The following EXO1 variants were observed in gnomAD, a reference collection of about 807,000 sequenced individuals.
EXO1 encodes exonuclease 1.
A neutral mutation model predicts 84.5 loss-of-function variants in EXO1; 69 were observed. The ratio of observed to expected loss-of-function variants is 0.82; its 90% CI spans 0.67 to 1.00. EXO1 has a LOEUF of 1.00. Among genes scored for constraint, EXO1 ranks in the 50% least tolerant of loss-of-function variants. EXO1 has a pLI of 0.00. For synonymous variants in EXO1, 373 were observed against 366.1 expected (o/e 1.02, Z -0.21); for missense variants, 1,045 against 1,000.7 (o/e 1.04, Z -0.60).
At chr1:241,878,470 C>G (rs1314682843) in intron 12 of EXO1, among the ~76,000 whole-genome samples, 1 of 142,742 alleles carries the variant, frequency 7.0e-6, no homozygotes, top group Non-Finnish European at 1.5e-5. Context: ...GCACTCCAGC[C>G]TGGTGACAGA....
chr1:241,870,895 C>G (rs887134889), intron 11 of EXO1, among the ~76,000 whole-genome samples: 1 of 152,156 alleles, frequency 6.6e-6, no homozygotes, highest in Non-Finnish European at 1.5e-5. Context: ...TTCCTTTTGA[C>G]TAACAGTTGC....
rs561796757 is a variant in EXO1, at chr1:241,850,757, T to C, written c.161+171T>C. ...CAGGGATGACTTCCTTCTGTGATAATAGGCCTAGTTTTCTTTCTTTATAAT... is the reference window on the plus strand; with the variant it reads ...CAGGGATGACTTCCTTCTGTGATAACAGGCCTAGTTTTCTTTCTTTATAAT... On this transcript the variant is annotated intron_variant, in intron 4 of 15. Transcript: ENST00000366548. Among the ~76,000 whole-genome samples the C allele has an allele frequency of 1.4e-4, 22 of 151,998 alleles. No individual in the cohort carries two copies. In the South Asian group the frequency reaches 3.5e-3, roughly 24 times the overall value.
chr1:241,861,557 T>C, intron 10 of EXO1, 55 bp downstream of exon 10: 1 of 934,784 alleles, frequency 1.1e-6, no homozygotes, highest in Non-Finnish European at 1.8e-6. Flanking sequence ...TCCCGAGCTG[T>C]GATTAAAGGC....
intron 10 of EXO1, among the ~76,000 whole-genome samples, chr1:241,862,095 C>G (rs377673384): frequency 2.6e-5 from 4 of 152,108 alleles, no homozygotes; most frequent in Non-Finnish European, 4.4e-5. Context: ...TGCACCACCA[C>G]GCCCGGCTAA....
Position 241,879,211 on chromosome 1 carries a change from C to A in EXO1, c.1977C>A (p.Ser659=). 1.2e-6 allele frequency: 2 copies of A among 1,601,892 alleles called. No individual in the cohort carries two copies. Among genetic ancestry groups the A allele is most frequent in the Non-Finnish European group, 1.7e-6 (2 of 1,171,572 alleles). ...TGTCGCAGTTAAAGAGCGAGGAGTC[C>A]AGTGACGATGAGTCTCATCCCTTAC... ...SDVSQLKSEE[S]SDDESHPLRE... is the part of the protein sequence containing the mutation. The change falls in exon 13 of 16, where the codon TCC becomes TCA. Residue 659 remains serine (S), a synonymous_variant. Coordinates refer to ENST00000366548, the MANE Select transcript of EXO1 (RefSeq NM_130398.4).
Position 241,879,262 on chromosome 1 carries a change from C to T in EXO1, c.2028C>T (p.Ser676=). 6.2e-7 allele frequency: 1 copy of T among 1,601,242 alleles called. No homozygotes were observed. Among genetic ancestry groups the T allele is most frequent in the Non-Finnish European group, 8.5e-7 (1 of 1,175,836 alleles). ...GAGAAGAGGCATGTTCTTCACAGTC[C>T]CAGGAAAGTGGAGAATTCTCACTGC... ...PLREEACSSQ[S]QESGEFSLQS... The change falls in exon 13 of 16, where the codon TCC becomes TCT. Residue 676 remains serine, a synonymous_variant. Coordinates refer to ENST00000366548, the MANE Select transcript of EXO1 (RefSeq NM_130398.4).
chr1:241,872,539 G>A (rs980746811), intron 12 of EXO1, among the ~76,000 whole-genome samples: 2 of 152,032 alleles, frequency 1.3e-5, no homozygotes, highest in African/African-American at 4.8e-5. Context: ...GGTGTGTGAT[G>A]TTCCCCTCCT....
intron 13 of EXO1, among the ~76,000 whole-genome samples, chr1:241,879,821 A>G (rs552264874): frequency 4.3e-4 from 65 of 152,246 alleles, no homozygotes; most frequent in African/African-American, 1.5e-3. Context: ...CCTGGCCAGC[A>G]TGGTGAAACC....
chr1:241,870,740 G>A lies in EXO1; in HGVS notation c.1268-1292G>A, dbSNP rs371615467. Among the ~76,000 whole-genome samples, 516 of 151,968 alleles carry A rather than the reference G, an allele frequency of 3.4e-3. 3 individuals carry two copies. Among genetic ancestry groups the A allele is most frequent in the African/African-American group, 7.6e-3 (316 of 41,468 alleles). ...GTTCTGCCTGTTAATTTTTTTGTTC[G>A]AATCTTTGTATTTTCTAATAAATGC... On this transcript the variant is annotated intron_variant, in intron 11 of 15. Coordinates refer to ENST00000366548, the MANE Select transcript of EXO1 (RefSeq NM_130398.4).
At chr1:241,850,293 AAC>A in intron 3 of EXO1, 114 bp from the exon 4 acceptor site, 13 of 774,676 alleles carry the variant, frequency 1.7e-5, no homozygotes, top group Non-Finnish European at 2.3e-5. Flanking sequence ...AAAAAAAAAA[AAC>A]AACAAACCAA....
chr1:241,861,900 G>A (rs557609846), intron 10 of EXO1, among the ~76,000 whole-genome samples: 1 of 151,716 alleles, frequency 6.6e-6, no homozygotes, highest in South Asian at 2.1e-4. Flanking sequence ...AATATTTAAT[G>A]CACGCCCCTG....
chr1:241,871,893 T>A (rs1157103195), intron 11 of EXO1, 139 bp from the exon 12 acceptor site: 4 of 640,926 alleles, frequency 6.2e-6, no homozygotes, highest in Admixed American at 6.5e-5. Context: ...ATCCTTATGT[T>A]TTCTTTTCTG....
rs538813878 is a variant in EXO1, at chr1:241,853,549, A to G, written c.405+68A>G. On this transcript the variant is annotated intron_variant, in intron 6 of 15. Coordinates refer to ENST00000366548, the MANE Select transcript of EXO1 (RefSeq NM_130398.4). Reference sequence around the variant, plus strand: ...ACAACTTGTTTATTGATGGGAGAGGAAGAAAATCAAGGGTGGAAAATTGTT... The same window carrying G: ...ACAACTTGTTTATTGATGGGAGAGGGAGAAAATCAAGGGTGGAAAATTGTT... The G allele has an allele frequency of 5.1e-6, 8 of 1,569,244 alleles. No homozygotes were observed. In the East Asian group the frequency reaches 1.8e-4, roughly 35 times the overall value.
At position 241,889,784 on chromosome 1, in the gene EXO1, T is replaced by A; in HGVS notation, c.*184T>A. 1.6e-6 allele frequency: 1 copy of A among 621,684 alleles called. No homozygotes were observed. Among genetic ancestry groups the A allele is most frequent in the Non-Finnish European group, 2.8e-6 (1 of 355,076 alleles). 38.5% of individuals were successfully genotyped at this position (621,684 alleles called of 1,614,324 possible). A position where few individuals can be genotyped will look rare whatever the true frequency, so the allele number is the denominator to read the frequency against. ...GGTTTTTTTGCTCAGCTTTTTATAT[T>A]TTTATAAGAAGCTAAATAGAAGAAT... is the stretch of plus-strand genomic sequence containing the variant. On this transcript the variant is annotated 3_prime_UTR_variant, in exon 16 of 16. Coordinates refer to ENST00000366548, the MANE Select transcript of EXO1 (RefSeq NM_130398.4).
intron 11 of EXO1, among the ~76,000 whole-genome samples, chr1:241,869,433 T>G (rs771796414): frequency 2.0e-5 from 3 of 152,068 alleles, no homozygotes; most frequent in Non-Finnish European, 2.9e-5. Context: ...ATGATTATAA[T>G]TGCTTCCTTC....
At chr1:241,875,505 A>G (rs924563042) in intron 12 of EXO1, among the ~76,000 whole-genome samples, 2 of 152,218 alleles carry the variant, frequency 1.3e-5, no homozygotes, top group African/African-American at 4.8e-5. Flanking sequence ...GTCTTTTGCT[A>G]GTCACCCTTG....
intron 13 of EXO1, 27 bp from the exon 14 acceptor site, chr1:241,881,883 ATTTTAT>A (rs1172415621): frequency 1.8e-6 from 2 of 1,105,838 alleles, no homozygotes; most frequent in African/African-American, 3.1e-5. Flanking sequence ...TAAAAATCTA[ATTTTAT>A]TTTATTTTTT....
Position 241,889,782 on chromosome 1 carries a change from A to G in EXO1, c.*182A>G. 1 of 626,690 alleles carries G rather than the reference A, an allele frequency of 1.6e-6. No homozygotes were observed. The highest frequency in any genetic ancestry group is 2.8e-6 in the Non-Finnish European group (1 of 358,468). 38.8% of individuals were successfully genotyped at this position (626,690 alleles called of 1,614,324 possible). A position where few individuals can be genotyped will look rare whatever the true frequency, so the allele number is the denominator to read the frequency against. On this transcript the variant is annotated 3_prime_UTR_variant, in exon 16 of 16. Coordinates refer to ENST00000366548, the MANE Select transcript of EXO1 (RefSeq NM_130398.4). Reference sequence around the variant, plus strand: ...GTGGTTTTTTTGCTCAGCTTTTTATATTTTTATAAGAAGCTAAATAGAAGA... The same window carrying G: ...GTGGTTTTTTTGCTCAGCTTTTTATGTTTTTATAAGAAGCTAAATAGAAGA...
At chr1:241,857,660 C>T (rs1297653063) in intron 7 of EXO1, among the ~76,000 whole-genome samples, 178 bp downstream of exon 7, 1 of 151,398 alleles carries the variant, frequency 6.6e-6, no homozygotes, top group Admixed American at 6.6e-5. Context: ...CAACTGACAT[C>T]TATTTTTATA....
Sources: gnomAD v4.1 joint callset for allele counts (sites outside exome capture counted in the v4.1 genomes callset) on GRCh38, gnomAD v4.1.1 for gene constraint, MANE v1.5 for transcripts, NCBI Gene and HGNC (gene_info 2026-07-23, HGNC 2026-07-21) for gene names.